Variants in ZNRF3 observed in about 807,000 individuals in gnomAD.
ZNRF3 encodes the protein zinc and ring finger 3, also known as E3 ubiquitin-protein ligase ZNRF3.
ZNRF3 carries 23 observed loss-of-function variants against 72.5 expected under a neutral mutation model. The ratio of observed to expected loss-of-function variants is 0.32; its 90% CI spans 0.23 to 0.45. ZNRF3 has a LOEUF of 0.45. ZNRF3 is among the 20% of genes least tolerant of loss of function. ZNRF3 has a pLI of 1.00. For missense variants in ZNRF3, 1,169 were observed against 1,272.1 expected (o/e 0.92, Z 1.23); for synonymous variants, 610 against 545.3 (o/e 1.12, Z -1.65).
In ZNRF3 at chr22:29,049,565, T is replaced by C. The variant is rs763072522; in HGVS notation, c.1384T>C (p.Phe462Leu). Residue 462 changes from phenylalanine to leucine, a missense_variant, in exon 8 of 9, where the codon TTC (phenylalanine) becomes CTC (leucine). This residue lies in a region of ZNRF3 where 783 missense variants were observed against 731.4 expected (regional missense o/e 1.07). Coordinates refer to ENST00000544604, the MANE Select transcript of ZNRF3 (RefSeq NM_001206998.2). This position sits in a 1 kb window ranked among gnomAD's most constrained non-coding sequence, Gnocchi z 5.2. The stretch of plus-strand genomic sequence containing the variant: ...CCGCAGCTTCTCCAAGGCAGCTTGC[T>C]TCTCCCAGTATGAGACCATGTACCA... ...SGRSFSKAAC[F>L]SQYETMYQHY... The C allele has an allele frequency of 2.4e-5, 39 of 1,605,418 alleles. No individual in the cohort carries two copies. Among genetic ancestry groups the C allele is most frequent in the Non-Finnish European group, 3.1e-5 (37 of 1,177,270 alleles).
At chr22:29,044,660 A>G (rs1367871527) in intron 4 of ZNRF3, 120 bp from the exon 5 acceptor site, 2 of 714,908 alleles carry the variant, frequency 2.8e-6, no homozygotes, top group Non-Finnish European at 5.0e-6. Context: ...GTTTCCTGCA[A>G]ATTGAGGGGA....
intron 2 of ZNRF3, among the ~76,000 whole-genome samples, chr22:29,013,288 C>T (rs953538554): frequency 2.6e-5 from 4 of 152,126 alleles, no homozygotes; most frequent in Non-Finnish European, 4.4e-5. Context: ...TGTTAGCTGT[C>T]GGGCAAAATG....
intron 1 of ZNRF3, among the ~76,000 whole-genome samples, chr22:28,953,768 G>T (rs1042931928): frequency 3.9e-5 from 6 of 152,180 alleles, no homozygotes; most frequent in Non-Finnish European, 7.3e-5. Context: ...CATTTTTGTA[G>T]ATCAGAAATT....
chr22:28,903,480 A>G (rs1350863940), intron 1 of ZNRF3, among the ~76,000 whole-genome samples: 1 of 152,196 alleles, frequency 6.6e-6, no homozygotes, highest in Non-Finnish European at 1.5e-5. Context: ...ATTTTTGCCA[A>G]AGCAAATACT....
chr22:28,922,479 C>T (rs761428560), intron 1 of ZNRF3, among the ~76,000 whole-genome samples: 7 of 152,154 alleles, frequency 4.6e-5, no homozygotes, highest in Non-Finnish European at 7.3e-5. Context: ...GATCCGTATT[C>T]GCACTGTTAC....
At chr22:29,024,284 G>GTTTGTTT (rs2036586230) in intron 2 of ZNRF3, among the ~76,000 whole-genome samples, 1 of 127,826 alleles carries the variant, frequency 7.8e-6, no homozygotes, top group Admixed American at 8.0e-5. Flanking sequence ...GGCATTAACT[G>GTTTGTTT]TTTTTTTTTT....
intron 1 of ZNRF3, among the ~76,000 whole-genome samples, chr22:28,933,929 G>A (rs2034772818): frequency 6.6e-6 from 1 of 151,632 alleles, no homozygotes; most frequent in Non-Finnish European, 1.5e-5. Context: ...TGATGGTGGG[G>A]TGCAGTTAAA....
At chr22:29,010,111 G>A (rs983403450) in intron 2 of ZNRF3, among the ~76,000 whole-genome samples, 42 of 151,658 alleles carry the variant, frequency 2.8e-4, no homozygotes, top group African/African-American at 1.2e-4. Context: ...GGGTTTCACC[G>A]TGTCTGCCAG....
intron 1 of ZNRF3, among the ~76,000 whole-genome samples, chr22:28,908,121 T>G (rs543515695): frequency 2.6e-5 from 4 of 152,356 alleles, no homozygotes; most frequent in African/African-American, 9.6e-5. Context: ...CATGTTTAAT[T>G]TCACATTAAA....
At chr22:29,018,079 G>A (rs2036467908) in intron 2 of ZNRF3, 2 of 518,750 alleles carry the variant, frequency 3.9e-6, no homozygotes, top group African/African-American at 1.9e-5. Flanking sequence ...TAGTGTGGGA[G>A]GGGAGGGCGG....
At chr22:29,053,308 C>T (rs957457040) in intron 8 of ZNRF3, among the ~76,000 whole-genome samples, 5 of 152,208 alleles carry the variant, frequency 3.3e-5, no homozygotes, top group Admixed American at 6.5e-5. Context: ...TGACGCACAC[C>T]GGGCACCCAG....
intron 2 of ZNRF3, among the ~76,000 whole-genome samples, chr22:28,989,485 A>C (rs2035916629): frequency 1.3e-5 from 2 of 152,118 alleles, no homozygotes; most frequent in Non-Finnish European, 2.9e-5. Context: ...GGCTGGTAGC[A>C]AAAAAATAGG....
chr22:29,048,277 T>G lies in ZNRF3; in HGVS notation c.913-112T>G. ...CCCTAATTGGAGGTGGGGAGGAGAG[T>G]AGGGAAGGGCACGGGCATGCTGTGC... is the stretch of plus-strand genomic sequence containing the variant. On this transcript the variant is annotated intron_variant, in intron 6 of 8. Transcript: ENST00000544604. The surrounding 1 kb of genome is among the most constrained non-coding windows in gnomAD (Gnocchi z 4.9). The G allele has an allele frequency of 4.0e-6, 3 of 744,846 alleles. No individual in the cohort carries two copies. Among genetic ancestry groups the G allele is most frequent in the East Asian group, 2.8e-5 (1 of 35,326 alleles). The allele number at this position is 744,846 out of a possible 1,614,324, so 46.1% of individuals were successfully genotyped here. A position where few individuals can be genotyped will look rare whatever the true frequency, so the allele number is the denominator to read the frequency against.
At chr22:29,032,253 G>C (rs894503378) in intron 2 of ZNRF3, among the ~76,000 whole-genome samples, 3 of 152,192 alleles carry the variant, frequency 2.0e-5, no homozygotes, top group African/African-American at 4.8e-5. Context: ...TAGTCATCTG[G>C]CCAGCTTTCT....
Position 28,915,958 on chromosome 22 carries a change from C to G in ZNRF3, c.300+31892C>G, listed in dbSNP as rs1296910125. ...GCTCAAGGTCTAAGTTTGTTCACCA[C>G]CCTTCCTCCCTTCCTTCATACTTTT... On this transcript the variant is annotated intron_variant, in intron 1 of 8. Transcript: ENST00000544604. Among the ~76,000 whole-genome samples, 4 of 152,230 alleles carry G rather than the reference C, an allele frequency of 2.6e-5. No homozygotes were observed. In the South Asian group the frequency reaches 8.3e-4, roughly 31 times the overall value.
chr22:28,992,198 C>G (rs995172056), intron 2 of ZNRF3, among the ~76,000 whole-genome samples: 1 of 145,028 alleles, frequency 6.9e-6, no homozygotes, highest in Non-Finnish European at 1.5e-5. Context: ...GCACACCACC[C>G]CCCACCCCCC....
At chr22:28,973,632 T>A (rs1400335329) in intron 1 of ZNRF3, among the ~76,000 whole-genome samples, 1 of 152,158 alleles carries the variant, frequency 6.6e-6, no homozygotes, top group Non-Finnish European at 1.5e-5. Flanking sequence ...AGGTTCTGCC[T>A]TAGGCCCTTC....
chr22:29,056,142 C>G lies in ZNRF3; in HGVS notation c.*2520C>G, dbSNP rs545017603. The G allele has an allele frequency of 2.0e-5, 3 of 150,820 alleles. No individual in the cohort carries two copies. The highest frequency in any genetic ancestry group is 4.4e-5 in the Non-Finnish European group (3 of 67,900). 9.3% of individuals were successfully genotyped at this position (150,820 alleles called of 1,614,324 possible). A position where few individuals can be genotyped will look rare whatever the true frequency, so the allele number is the denominator to read the frequency against. On this transcript the variant is annotated 3_prime_UTR_variant, in exon 9 of 9. Transcript: ENST00000544604. Reference sequence around the variant, plus strand: ...TTGAGATGGAATTTTGCTCTTGTCACCCAGGCTGGAGTGCAATGGCGCGAT... The same window carrying G: ...TTGAGATGGAATTTTGCTCTTGTCAGCCAGGCTGGAGTGCAATGGCGCGAT...
rs561594290 is a variant in ZNRF3 at position 28,904,358 on chromosome 22, C to T, written c.300+20292C>T. ...GAGTTAAACTCTAATTAGCTCATTC[C>T]TAAGGTATTTAATGCCCTTATTAAA... is the stretch of plus-strand genomic sequence containing the variant. On this transcript the variant is annotated intron_variant, in intron 1 of 8. Transcript: ENST00000544604. Among the ~76,000 whole-genome samples the T allele has an allele frequency of 2.2e-3, 329 of 152,320 alleles. 2 individuals are homozygous for T. Among genetic ancestry groups the T allele is most frequent in the African/African-American group, 7.6e-3 (316 of 41,570 alleles).
Sources: gnomAD v4.1 joint callset for allele counts (sites outside exome capture counted in the v4.1 genomes callset) on GRCh38, gnomAD v4.1.1 for gene constraint, gnomAD v4.1.1 regional missense constraint, Gnocchi (gnomAD v3.1) non-coding constraint, MANE v1.5 for transcripts, NCBI Gene and HGNC (gene_info 2026-07-23, HGNC 2026-07-21) for gene names.